Variants in LRRC18 observed in about 807,000 individuals in gnomAD.
LRRC18 encodes leucine rich repeat containing 18.
A neutral mutation model predicts 11.2 loss-of-function variants in LRRC18; 12 were observed. The ratio of observed to expected loss-of-function variants is 1.07; its 90% CI spans 0.69 to 1.74. LRRC18 has a LOEUF of 1.74. Ranked by LOEUF, LRRC18 falls within the 40% of genes most tolerant of loss-of-function variation. The probability of loss-of-function intolerance (pLI) is 0.00; values close to 1 mark genes in which losing one functional copy is unlikely to be tolerated. For missense variants in LRRC18, 374 were observed against 330.5 expected (o/e 1.13, Z -1.02); for synonymous variants, 155 against 130.6 (o/e 1.19, Z -1.27).
chr10:48,913,828 T>C (rs1375728486), exon 1 of LRRC18: 1 of 1,614,012 alleles, frequency 6.2e-7, no homozygotes, highest in African/African-American at 1.3e-5. Context: ...AGCCCGTTGC[T>C]GGTCAGCCGG....
At chr10:48,938,672 C>T in the LRRC18 span, among the ~76,000 whole-genome samples, 35 of 152,216 alleles carry the variant, frequency 2.3e-4, no homozygotes, top group Non-Finnish European at 4.4e-4. Context: ...AGGGAAGGCC[C>T]TAAGGCCACA....
upstream of LRRC18, among the ~76,000 whole-genome samples, chr10:48,914,494 C>T (rs140395845): frequency 1.8e-3 from 268 of 152,230 alleles, 3 homozygotes; most frequent in Middle Eastern, 0.017. Context: ...GTGCCATGCC[C>T]CGACTTATAA....
At chr10:48,932,449 A>C in the LRRC18 span, 1 of 152,236 alleles carries the variant, frequency 6.6e-6, no homozygotes, top group African/African-American at 2.4e-5. Context: ...GAGATGTAAT[A>C]ATAGCTACTT....
the LRRC18 span, among the ~76,000 whole-genome samples, chr10:48,927,321 G>A: frequency 6.6e-6 from 1 of 152,100 alleles, no homozygotes; most frequent in African/African-American, 2.4e-5. Flanking sequence ...TGCCATTTCA[G>A]TCATCCGCAA....
intron 1 of LRRC18, 151 bp downstream of exon 3, chr10:48,913,241 C>T (rs545344150): frequency 7.0e-5 from 52 of 739,398 alleles, no homozygotes; most frequent in Admixed American, 4.9e-4. Flanking sequence ...CACAATCACA[C>T]GCCGAGAAAG....
chr10:48,938,116 T>C, the LRRC18 span, among the ~76,000 whole-genome samples: 4,147 of 152,358 alleles, frequency 0.027, 98 homozygotes, highest in Non-Finnish European at 0.033. Context: ...GTATGCCTAG[T>C]GCTTCTTAAC....
chr10:48,912,941 T>G (rs1838139839), intron 1 of LRRC18, among the ~76,000 whole-genome samples: 2 of 152,242 alleles, frequency 1.3e-5, no homozygotes, highest in East Asian at 3.8e-4. Context: ...ATCTACTTTC[T>G]TACAAACTCA....
At chr10:48,930,496 G>A in the LRRC18 span, among the ~76,000 whole-genome samples, 1 of 152,140 alleles carries the variant, frequency 6.6e-6, no homozygotes, top group Non-Finnish European at 1.5e-5. Flanking sequence ...CCTTAACTGG[G>A]TTAGGCCAAG....
chr10:48,939,288 G>C, the LRRC18 span, among the ~76,000 whole-genome samples: 1 of 152,246 alleles, frequency 6.6e-6, no homozygotes, highest in South Asian at 2.1e-4. Flanking sequence ...CACGCCTGTT[G>C]AGTAGCTCCG....
At chr10:48,913,213 C>CA (rs1323118339) in intron 1 of LRRC18, among the ~76,000 whole-genome samples, 179 bp downstream of exon 3, 1 of 152,124 alleles carries the variant, frequency 6.6e-6, no homozygotes, top group Non-Finnish European at 1.5e-5. Context: ...GGCAAGGAAT[C>CA]AAAAGCCCTT....
chr10:48,923,702 A>T, the LRRC18 span, among the ~76,000 whole-genome samples: 1 of 151,970 alleles, frequency 6.6e-6, no homozygotes, highest in Non-Finnish European at 1.5e-5. Context: ...ACAGATAAAC[A>T]GTAATCAGGC....
At chr10:48,918,854 C>T (rs2663058), upstream of LRRC18, among the ~76,000 whole-genome samples, 51,059 of 152,040 alleles carry the variant, frequency 0.34, 9,080 homozygotes, top group Non-Finnish European at 0.39. Context: ...CCAATAGCTG[C>T]CCACTAGTTG....
chr10:48,909,934 C>A, exon 2 of LRRC18: 1 of 372,490 alleles, frequency 2.7e-6, no homozygotes. Flanking sequence ...CCTTTTAAGT[C>A]TTAAAGTCTT....
the LRRC18 span, among the ~76,000 whole-genome samples, chr10:48,932,775 G>A: frequency 6.6e-6 from 1 of 152,174 alleles, no homozygotes; most frequent in South Asian, 2.1e-4. Flanking sequence ...GCATATCGGT[G>A]GGGACGTTGC....
chr10:48,914,158 T>C, exon 1 of LRRC18: 1 of 1,610,752 alleles, frequency 6.2e-7, no homozygotes, highest in Non-Finnish European at 8.5e-7. Context: ...TTAACCATGT[T>C]CTTTTAGTAA....
exon 2 of LRRC18, chr10:48,909,625 G>C (rs1158753295): frequency 6.6e-6 from 1 of 152,264 alleles, no homozygotes; most frequent in African/African-American, 2.4e-5. Flanking sequence ...CATAGTGAGA[G>C]GAAGAGAGAG....
At chr10:48,910,864 A>C in intron 1 of LRRC18, 2 of 979,574 alleles carry the variant, frequency 2.0e-6, no homozygotes, top group Non-Finnish European at 2.4e-6. Flanking sequence ...GACGTGGACC[A>C]GCAAACCCTG....
chr10:48,928,395 T>TGTGTGTGG, the LRRC18 span, among the ~76,000 whole-genome samples: 1 of 147,472 alleles, frequency 6.8e-6, no homozygotes, highest in Admixed American at 6.7e-5. Context: ...TGTGTGTGTG[T>TGTGTGTGG]GTTGGTGGGG....
chr10:48,938,302 T>C, the LRRC18 span, among the ~76,000 whole-genome samples: 3 of 152,224 alleles, frequency 2.0e-5, no homozygotes, highest in African/African-American at 7.2e-5. Flanking sequence ...TTGTCTGCCA[T>C]ATTAGGGCTA....
Sources: allele counts gnomAD v4.1 joint callset (sites outside exome capture counted in the v4.1 genomes callset), GRCh38; gene constraint gnomAD v4.1.1; transcripts MANE v1.5; gene names NCBI Gene and HGNC (gene_info 2026-07-23, HGNC 2026-07-21).